Variants in TRDN observed in about 807,000 individuals in gnomAD.
The protein encoded by TRDN is triadin, also known as triadin in skeletal muscle.
TRDN carries 161 observed loss-of-function variants against 149.7 expected under a neutral mutation model. The observed-to-expected ratio is 1.08, with a 90% CI of 0.95 to 1.23. The LOEUF is 1.23. Among genes scored for constraint, TRDN ranks in the 50% most tolerant of loss-of-function variants. The probability of loss-of-function intolerance (pLI) is 0.00; values close to 1 mark genes in which losing one functional copy is unlikely to be tolerated. For missense variants in TRDN, 896 were observed against 823.5 expected (o/e 1.09, Z -1.08); for synonymous variants, 294 against 250.5 (o/e 1.17, Z -1.64).
At chr6:123,356,119 C>T (rs1411078915) in intron 20 of TRDN, among the ~76,000 whole-genome samples, 1 of 151,400 alleles carries the variant, frequency 6.6e-6, no homozygotes. Context: ...ATTTCTTTTT[C>T]TCATTTTACT....
At chr6:123,416,108 A>G (rs989668904) in intron 12 of TRDN, among the ~76,000 whole-genome samples, 1 of 152,210 alleles carries the variant, frequency 6.6e-6, no homozygotes, top group Non-Finnish European at 1.5e-5. Flanking sequence ...CAGCAGTGTC[A>G]CTAAAGTTAA....
intron 8 of TRDN, chr6:123,502,179 T>C: frequency 1.0e-6 from 1 of 983,992 alleles, no homozygotes; most frequent in East Asian, 1.1e-4. Context: ...AGGATCTAAG[T>C]AATCATACCA....
At chr6:123,541,884 C>CA (rs2114401923) in intron 4 of TRDN, among the ~76,000 whole-genome samples, 1 of 152,278 alleles carries the variant, frequency 6.6e-6, no homozygotes, top group Non-Finnish European at 1.5e-5. Flanking sequence ...AGCTCTGACA[C>CA]ACACATACGT....
chr6:123,461,039 C>T (rs1198061920), intron 10 of TRDN, among the ~76,000 whole-genome samples: 1 of 152,086 alleles, frequency 6.6e-6, no homozygotes, highest in Non-Finnish European at 1.5e-5. Context: ...GCTATTTAAC[C>T]ACTGGGCAAA....
intron 5 of TRDN, among the ~76,000 whole-genome samples, chr6:123,529,785 A>T (rs779088632): frequency 1.2e-4 from 19 of 152,042 alleles, no homozygotes; most frequent in Non-Finnish European, 2.5e-4. Flanking sequence ...ATTCAAAATC[A>T]TGTGAAACTG....
At chr6:123,475,925 A>G (rs1275780766) in intron 9 of TRDN, among the ~76,000 whole-genome samples, 2 of 149,822 alleles carry the variant, frequency 1.3e-5, no homozygotes, top group South Asian at 4.3e-4. Flanking sequence ...AATAAGAGCT[A>G]TCTATGACAA....
chr6:123,440,414 T>G lies in TRDN; in HGVS notation c.932-1411A>C, dbSNP rs79804548. 5.1e-3 allele frequency among the ~76,000 whole-genome samples: 782 copies of G among 152,318 alleles called. 10 individuals are homozygous for G. Among genetic ancestry groups the G allele is most frequent in the African/African-American group, 0.018 (734 of 41,566 alleles). Reference sequence around the variant, plus strand: ...ATGCATATTAAACATGTAGATCATATTTAAAATTCTGAATGAAGATACTTT... The same window carrying G: ...ATGCATATTAAACATGTAGATCATAGTTAAAATTCTGAATGAAGATACTTT... On this transcript the variant is annotated intron_variant, in intron 10 of 40. Coordinates refer to ENST00000334268, the MANE Select transcript of TRDN (RefSeq NM_006073.4).
chr6:123,564,117 T>C (rs1003611281), intron 2 of TRDN, among the ~76,000 whole-genome samples: 2 of 152,234 alleles, frequency 1.3e-5, no homozygotes, highest in African/African-American at 4.8e-5. Flanking sequence ...TATTAGAGTC[T>C]GGGAAATATT....
intron 4 of TRDN, among the ~76,000 whole-genome samples, chr6:123,537,781 T>C (rs1780623949): frequency 6.6e-6 from 1 of 152,174 alleles, no homozygotes; most frequent in Admixed American, 6.5e-5. Context: ...AAATAGATTG[T>C]ATCAGTGATT....
At chr6:123,544,246 TACACACACACACACACACACAC>T (rs71021453) in intron 4 of TRDN, among the ~76,000 whole-genome samples, 119 of 144,324 alleles carry the variant, frequency 8.2e-4, no homozygotes, top group African/African-American at 2.8e-3. Context: ...CATCTGTACA[TACACACACACACACACACACAC>T]ACACACACAC....
intron 38 of TRDN, among the ~76,000 whole-genome samples, chr6:123,237,512 T>A (rs1212576422): frequency 1.3e-5 from 2 of 152,164 alleles, no homozygotes; most frequent in East Asian, 1.9e-4. Context: ...CCTCCCAAAC[T>A]GCTGGGATTA....
chr6:123,257,243 G>T (rs574421591), intron 35 of TRDN, among the ~76,000 whole-genome samples: 1 of 152,050 alleles, frequency 6.6e-6, no homozygotes. Flanking sequence ...CTCCCAAAGT[G>T]CTGGGATTTC....
At chr6:123,590,992 A>T (rs1171979715) in intron 1 of TRDN, among the ~76,000 whole-genome samples, 1 of 152,166 alleles carries the variant, frequency 6.6e-6, no homozygotes, top group African/African-American at 2.4e-5. Context: ...TGATATAAAA[A>T]ATTATAATAA....
chr6:123,499,265 C>T (rs1480225563), intron 8 of TRDN, among the ~76,000 whole-genome samples: 1 of 152,110 alleles, frequency 6.6e-6, no homozygotes, highest in East Asian at 1.9e-4. Flanking sequence ...TAGTTATATA[C>T]ATAACATGTT....
rs1372320211 is a variant in TRDN at position 123,615,535 on chromosome 6, T to TACACAC, written c.22+21218_22+21219insGTGTGT. On this transcript the variant is annotated intron_variant, in intron 1 of 40. Transcript: ENST00000334268. ...CCCATTCACGTTTGAAAAACATGTATATACACACACACACACACACACACA... is the reference window on the plus strand; with the variant it reads ...CCCATTCACGTTTGAAAAACATGTATACACACATACACACACACACACACACACACA... Among the ~76,000 whole-genome samples, 98 of 143,180 alleles carry TACACAC rather than the reference T, an allele frequency of 6.8e-4. 1 individual carries two copies. Among genetic ancestry groups the TACACAC allele is most frequent in the African/African-American group, 2.8e-3 (96 of 34,030 alleles). The allele number at this position is 143,180 out of a possible 152,430, so 93.9% of individuals were successfully genotyped here.
Position 123,279,042 on chromosome 6 carries a change from T to C in TRDN, c.1537+14A>G. On this transcript the variant is annotated intron_variant, in intron 25 of 40. Coordinates refer to ENST00000334268, the MANE Select transcript of TRDN (RefSeq NM_006073.4). ...TATGTACGTGTTTGTTTATTGAGCA[T>C]GCATATAACATACGTGGAGGTTTAG... 1 of 1,606,074 alleles carries C rather than the reference T, an allele frequency of 6.2e-7. No individual in the cohort carries two copies. Among genetic ancestry groups the C allele is most frequent in the Admixed American group, 1.7e-5 (1 of 59,214 alleles).
At chr6:123,616,879 G>A (rs1242505122) in intron 1 of TRDN, among the ~76,000 whole-genome samples, 1 of 152,014 alleles carries the variant, frequency 6.6e-6, no homozygotes, top group Non-Finnish European at 1.5e-5. Flanking sequence ...TTTGGAAGAT[G>A]TTTAAGCACA....
At chr6:123,613,730 T>C (rs930088974) in intron 1 of TRDN, among the ~76,000 whole-genome samples, 2 of 152,150 alleles carry the variant, frequency 1.3e-5, no homozygotes, top group African/African-American at 4.8e-5. Context: ...TCCAAAGCCA[T>C]CATAAAAGTA....
At chr6:123,349,735 T>A in intron 21 of TRDN, 1 of 982,980 alleles carries the variant, frequency 1.0e-6, no homozygotes, top group Non-Finnish European at 1.2e-6. Context: ...CTCTTAGATA[T>A]TATTAGCATT....
Sources: allele counts gnomAD v4.1 joint callset (sites outside exome capture counted in the v4.1 genomes callset), GRCh38; gene constraint gnomAD v4.1.1; transcripts MANE v1.5; gene names NCBI Gene and HGNC (gene_info 2026-07-23, HGNC 2026-07-21).